Variants in RFC2 observed in about 807,000 individuals in gnomAD.
RFC2 encodes A1 40 kDa subunit.
RFC2 carries 34 observed loss-of-function variants against 44.8 expected under a neutral mutation model. The observed-to-expected ratio is 0.76, with a 90% CI of 0.58 to 1.01. The LOEUF is 1.01. Among genes scored for constraint, RFC2 ranks in the 50% least tolerant of loss-of-function variants. The pLI, the probability that RFC2 is intolerant of heterozygous loss-of-function variation, is 0.00. For synonymous variants in RFC2, 177 were observed against 168.9 expected (o/e 1.05, Z -0.37); for missense variants, 400 against 453.6 (o/e 0.88, Z 1.07).
chr7:74,251,797 C>G (rs1410077666), intron 2 of RFC2, among the ~76,000 whole-genome samples: 1 of 56,958 alleles, frequency 1.8e-5, no homozygotes, highest in South Asian at 6.3e-4. Context: ...GACTCCATCT[C>G]AAAAAAAAAA....
chr7:74,252,449 C>T lies in RFC2; in HGVS notation c.163G>A (p.Asp55Asn). The T allele has an allele frequency of 1.2e-6, 2 of 1,604,460 alleles. No homozygotes were observed. The highest frequency in any genetic ancestry group is 1.1e-5 in the South Asian group (1 of 90,886). The change falls in exon 2 of 11, where the codon GAC (aspartate) becomes AAC (asparagine). Residue 55 changes from aspartate (D) to asparagine (N), a missense_variant. Transcript: ENST00000055077. ...CTCACCTCTAGCCTGCTCACGGTGTCTTCATTCCCGACAATTTCATTCAGC... is the reference window on the plus strand; with the variant it reads ...CTCACCTCTAGCCTGCTCACGGTGTTTTCATTCCCGACAATTTCATTCAGC... ...VKLNEIVGNE[D>N]TVSRLEVFAR...
intron 6 of RFC2, among the ~76,000 whole-genome samples, chr7:74,240,502 CAAAAAAAAAA>C (rs1216974808): frequency 1.4e-5 from 1 of 73,376 alleles, no homozygotes; most frequent in Non-Finnish European, 3.1e-5. Context: ...GCTGTGTCTC[CAAAAAAAAAA>C]AAAAAAAAAA....
chr7:74,236,358 T>C (rs1290270494), intron 9 of RFC2, among the ~76,000 whole-genome samples: 4 of 152,184 alleles, frequency 2.6e-5, no homozygotes, highest in Admixed American at 6.5e-5. Context: ...TCTCCCCGCC[T>C]TGCACTCCGG....
chr7:74,241,960 C>CA (rs1395325448), intron 6 of RFC2, among the ~76,000 whole-genome samples: 6 of 151,296 alleles, frequency 4.0e-5, no homozygotes, highest in African/African-American at 1.5e-4. Context: ...ACTCTCTCTA[C>CA]AAAAAAAAGA....
chr7:74,240,142 A>G, intron 6 of RFC2, 47 bp from the exon 7 acceptor site: 2 of 1,564,718 alleles, frequency 1.3e-6, no homozygotes, highest in Non-Finnish European at 1.8e-6. Flanking sequence ...AGAGGCCGGC[A>G]TCATCCTGCT....
chr7:74,232,256 G>A (rs1554717324), intron 10 of RFC2, 40 bp from the exon 11 acceptor site: 1 of 1,066,704 alleles, frequency 9.4e-7, no homozygotes, highest in Middle Eastern at 2.0e-4. Context: ...TAATAAGTGG[G>A]GGAGTTCTTT....
chr7:74,232,302 CAG>C (rs1240252058), intron 10 of RFC2, 86 bp from the exon 11 acceptor site: 4 of 748,320 alleles, frequency 5.3e-6, no homozygotes, highest in Non-Finnish European at 9.2e-6. Flanking sequence ...AAAATAAAAA[CAG>C]AAACAAACTG....
chr7:74,246,661 C>T lies in RFC2; in HGVS notation c.434+1G>A, dbSNP rs782063444. Reference sequence around the variant, plus strand: ...AAAATACATTTGGCAAAGCACTCTACCTGTCTGCTTCATCCAGAATGATGA... The same window carrying T: ...AAAATACATTTGGCAAAGCACTCTATCTGTCTGCTTCATCCAGAATGATGA... On this transcript the variant is annotated splice_donor_variant, in intron 5 of 10. Transcript: ENST00000055077. LOFTEE classifies it high-confidence loss of function. The T allele has an allele frequency of 1.3e-6, 2 of 1,589,834 alleles. No homozygotes were observed. Among genetic ancestry groups the T allele is most frequent in the South Asian group, 1.1e-5 (1 of 89,752 alleles).
intron 4 of RFC2, 122 bp from the exon 5 acceptor site, chr7:74,246,885 T>G (rs1480218173): frequency 3.8e-6 from 2 of 528,210 alleles, no homozygotes; most frequent in Non-Finnish European, 6.8e-6. Context: ...TGAGTTTTTT[T>G]GGGGGGCAAT....
At chr7:74,242,865 G>A (rs1201572935) in intron 6 of RFC2, among the ~76,000 whole-genome samples, 3 of 151,632 alleles carry the variant, frequency 2.0e-5, no homozygotes, top group Non-Finnish European at 2.9e-5. Context: ...GGAGGTTGCA[G>A]TGATCTGAGA....
intron 5 of RFC2, among the ~76,000 whole-genome samples, chr7:74,244,940 G>A (rs1183579767): frequency 6.6e-6 from 1 of 151,952 alleles, no homozygotes; most frequent in East Asian, 2.0e-4. Context: ...TCTAGTCTGA[G>A]TGATATAGTG....
rs540757412 is a variant in RFC2, at chr7:74,250,060, G to A, written c.184-280C>T. On this transcript the variant is annotated intron_variant, in intron 2 of 10. Coordinates refer to ENST00000055077, the MANE Select transcript of RFC2 (RefSeq NM_181471.3). ...CCCAGCTACTCGGGAGGCTAAAATG[G>A]GAGGATCGGTTGAGCCTGAGAAGTG... Among the ~76,000 whole-genome samples, 5 of 151,744 alleles carry A rather than the reference G, an allele frequency of 3.3e-5. No individual in the cohort carries two copies. The East Asian group carries it at 5.9e-4, about 18-fold the overall frequency.
intron 5 of RFC2, among the ~76,000 whole-genome samples, chr7:74,244,124 T>C (rs1373218307): frequency 1.0e-4 from 15 of 147,182 alleles, no homozygotes; most frequent in African/African-American, 3.8e-4. Flanking sequence ...AAAAATTGTC[T>C]GGGCGTGGTG....
chr7:74,235,005 C>A (rs955688910), intron 10 of RFC2, among the ~76,000 whole-genome samples: 3 of 152,154 alleles, frequency 2.0e-5, no homozygotes, highest in Non-Finnish European at 4.4e-5. Flanking sequence ...AGATGCCAGG[C>A]CTGTGAGCAG....
chr7:74,235,845 A>G (rs150206496), intron 9 of RFC2, among the ~76,000 whole-genome samples, 200 bp from the exon 10 acceptor site: 4 of 151,988 alleles, frequency 2.6e-5, no homozygotes, highest in East Asian at 1.9e-4. Flanking sequence ...TAATATAAAG[A>G]TAAGAGTCTT....
chr7:74,237,573 G>A (rs531425356), intron 8 of RFC2, 131 bp from the exon 9 acceptor site: 6 of 503,782 alleles, frequency 1.2e-5, no homozygotes, highest in Admixed American at 3.2e-5. Context: ...AAATTCTCCA[G>A]CAACCAGGAT....
intron 10 of RFC2, 77 bp from the exon 11 acceptor site, chr7:74,232,293 A>C: frequency 2.5e-6 from 2 of 803,690 alleles, no homozygotes; most frequent in Non-Finnish European, 4.2e-6. Context: ...AAAAAAATAA[A>C]AATAAAAACA....
At chr7:74,235,338 T>C (rs1554718072) in intron 10 of RFC2, among the ~76,000 whole-genome samples, 194 bp downstream of exon 10, 3 of 143,142 alleles carry the variant, frequency 2.1e-5, no homozygotes, top group East Asian at 2.1e-4. Flanking sequence ...CGCCCAGCCA[T>C]GCCCAGCTAA....
At chr7:74,249,880 T>C in intron 2 of RFC2, 100 bp from the exon 3 acceptor site, 1 of 1,017,776 alleles carries the variant, frequency 9.8e-7, no homozygotes, top group Non-Finnish European at 1.6e-6. Context: ...AAAACTCGGC[T>C]GAGCACAATG....
Sources: allele counts gnomAD v4.1 joint callset (sites outside exome capture counted in the v4.1 genomes callset), GRCh38; gene constraint gnomAD v4.1.1; transcripts MANE v1.5; gene names NCBI Gene and HGNC (gene_info 2026-07-23, HGNC 2026-07-21).